ANKMY1: variants seen among roughly 807,000 people sequenced by gnomAD.
The protein encoded by ANKMY1 is ankyrin repeat and MYND domain containing 1, also known as ankyrin repeat and MYND domain-containing protein 1.
Under a neutral mutation model 102.0 loss-of-function variants are expected in ANKMY1, and 98 were observed. That is an observed-to-expected ratio of 0.96 (90% CI 0.82 to 1.14). The LOEUF (loss-of-function observed/expected upper bound fraction) is 1.14, where lower values mean the gene tolerates loss of function less well. Among genes scored for constraint, ANKMY1 ranks in the 50% most tolerant of loss-of-function variants. ANKMY1 has a pLI of 0.00. For missense variants in ANKMY1, 1,330 were observed against 1,347.6 expected (o/e 0.99, Z 0.20); for synonymous variants, 582 against 559.9 (o/e 1.04, Z -0.56).
chr2:240,483,408 C>T (rs1397007791), intron 15 of ANKMY1, among the ~76,000 whole-genome samples: 1 of 152,188 alleles, frequency 6.6e-6, no homozygotes, highest in Non-Finnish European at 1.5e-5. Context: ...CCATCCTCCT[C>T]GGCCTCCCAA....
chr2:240,505,640 C>T (rs2078947900), intron 13 of ANKMY1, among the ~76,000 whole-genome samples: 1 of 152,086 alleles, frequency 6.6e-6, no homozygotes. Context: ...GGGGCATGGT[C>T]AGGTACTCAG....
rs184961710 is a variant in ANKMY1, at chr2:240,489,292, A to G, written c.2807-7031T>C. 8.5e-3 allele frequency among the ~76,000 whole-genome samples: 1,293 copies of G among 152,010 alleles called. 14 individuals carry two copies. Among genetic ancestry groups the G allele is most frequent in the African/African-American group, 0.03 (1,234 of 41,444 alleles). ...AACATGGCAAAACCCCGTCTCTACT[A>G]AAAATACAAAAAAATTAGCTGGGCA... On this transcript the variant is annotated intron_variant, in intron 15 of 17. Coordinates refer to ENST00000401804, the MANE Select transcript of ANKMY1 (RefSeq NM_001282771.3).
In ANKMY1 at chr2:240,507,522, C is replaced by T. The variant is rs199542386; in HGVS notation, c.2526+38G>A. The stretch of plus-strand genomic sequence containing the variant: ...TCAGGGCCACCCCACCACCCTCAAA[C>T]CCCCTCACCAGGGCCACCCCAGCCT... On this transcript the variant is annotated intron_variant, in intron 13 of 17. Transcript: ENST00000401804. The T allele has an allele frequency of 2.7e-5, 42 of 1,560,658 alleles. No individual in the cohort carries two copies. The South Asian group carries it at 3.6e-4, about 13-fold the overall frequency.
At chr2:240,471,863 T>C in the ANKMY1 span, among the ~76,000 whole-genome samples, 1 of 152,102 alleles carries the variant, frequency 6.6e-6, no homozygotes, top group Non-Finnish European at 1.5e-5. Context: ...CATCCCCCTA[T>C]GGACTCAATG....
chr2:240,486,798 G>A (rs1265305800), intron 15 of ANKMY1, among the ~76,000 whole-genome samples: 3 of 152,150 alleles, frequency 2.0e-5, no homozygotes, highest in African/African-American at 7.2e-5. Flanking sequence ...ACAGGCATGA[G>A]AGCCACCATG....
intron 11 of ANKMY1, among the ~76,000 whole-genome samples, chr2:240,509,670 G>A (rs940017263): frequency 6.6e-6 from 1 of 152,182 alleles, no homozygotes; most frequent in African/African-American, 2.4e-5. Flanking sequence ...AAATGGAGAA[G>A]ATATTTTCTA....
At chr2:240,490,110 A>T (rs2076475684) in intron 15 of ANKMY1, among the ~76,000 whole-genome samples, 1 of 151,300 alleles carries the variant, frequency 6.6e-6, no homozygotes, top group Admixed American at 6.6e-5. Context: ...TCCATTTCTG[A>T]TTTTATTTAC....
chr2:240,480,795 G>T, intron 17 of ANKMY1, 142 bp downstream of exon 17: 2 of 1,242,150 alleles, frequency 1.6e-6, no homozygotes, highest in South Asian at 3.2e-5. Flanking sequence ...CTCCCAACAG[G>T]CCGATCTGGA....
At chr2:240,504,700 C>T (rs949276600) in intron 13 of ANKMY1, among the ~76,000 whole-genome samples, 4 of 152,244 alleles carry the variant, frequency 2.6e-5, no homozygotes, top group East Asian at 1.9e-4. Context: ...TAGGGAAATA[C>T]GAATCAACAA....
At chr2:240,469,681 CAAACGAACACAT>C in the ANKMY1 span, among the ~76,000 whole-genome samples, 1 of 149,346 alleles carries the variant, frequency 6.7e-6, no homozygotes, top group African/African-American at 2.5e-5. Flanking sequence ...TTTACACACA[CAAACGAACACAT>C]ACAACACCCT....
rs531199019 is a variant in ANKMY1 at position 240,544,672 on chromosome 2, C to G, written c.480+8242G>C. On this transcript the variant is annotated intron_variant, in intron 4 of 17. Transcript: ENST00000401804. The stretch of plus-strand genomic sequence containing the variant: ...GCGCGCACTGTGCGCAAGCCGAAGC[C>G]GGGCGAGGCATTGCCTCACTCAGGA... Among the ~76,000 whole-genome samples, 400 of 151,786 alleles carry G rather than the reference C, an allele frequency of 2.6e-3. 5 individuals are homozygous for G. The highest frequency in any genetic ancestry group is 0.01 in the Middle Eastern group (3 of 294).
At chr2:240,534,723 A>T (rs902801761) in intron 4 of ANKMY1, among the ~76,000 whole-genome samples, 2 of 152,258 alleles carry the variant, frequency 1.3e-5, no homozygotes, top group Non-Finnish European at 2.9e-5. Context: ...CAGAATTATA[A>T]GAATAATAAA....
At chr2:240,543,450 C>T (rs2089524506) in intron 4 of ANKMY1, among the ~76,000 whole-genome samples, 1 of 151,868 alleles carries the variant, frequency 6.6e-6, no homozygotes, top group Admixed American at 6.6e-5. Context: ...CTTTGCTAGA[C>T]ATTTTGAGAT....
intron 4 of ANKMY1, among the ~76,000 whole-genome samples, chr2:240,536,321 A>C (rs1233144856): frequency 2.0e-5 from 3 of 152,162 alleles, no homozygotes; most frequent in African/African-American, 7.2e-5. Flanking sequence ...ACTGGATAAG[A>C]AAATAGAATC....
intron 4 of ANKMY1, among the ~76,000 whole-genome samples, chr2:240,537,960 G>T (rs963495267): frequency 6.6e-6 from 1 of 152,200 alleles, no homozygotes; most frequent in Non-Finnish European, 1.5e-5. Context: ...TCCTTTTGCT[G>T]TCCATACATT....
At chr2:240,522,380 G>C (rs2082482672) in intron 8 of ANKMY1, 1 of 152,248 alleles carries the variant, frequency 6.6e-6, no homozygotes, top group Admixed American at 6.5e-5. Context: ...AACAAAACCA[G>C]TTGGGGAGAA....
At position 240,557,962 on chromosome 2, in the gene ANKMY1, C is replaced by G. The variant is rs986623725; in HGVS notation, c.-99G>C. ...CACCGCGGACGCCCGCGCTCCCGTC[C>G]CGACTGCTTGCCAGCCCTGCGCCTA... On this transcript the variant is annotated 5_prime_UTR_variant, in exon 1 of 18. Transcript: ENST00000401804. 9 of 985,558 alleles carry G rather than the reference C, an allele frequency of 9.1e-6. No individual in the cohort carries two copies. Among genetic ancestry groups the G allele is most frequent in the African/African-American group, 1.7e-5 (1 of 57,250 alleles). The allele number at this position is 985,558 out of a possible 1,614,324, so 61.1% of individuals were successfully genotyped here. A position where few individuals can be genotyped will look rare whatever the true frequency, so the allele number is the denominator to read the frequency against.
At chr2:240,501,616 C>T (rs1245638716) in intron 13 of ANKMY1, among the ~76,000 whole-genome samples, 1 of 152,210 alleles carries the variant, frequency 6.6e-6, no homozygotes, top group Non-Finnish European at 1.5e-5. Context: ...GAGATCCTCA[C>T]ACTCTGTGAC....
chr2:240,551,439 C>T (rs2091509478), intron 4 of ANKMY1, among the ~76,000 whole-genome samples: 1 of 152,032 alleles, frequency 6.6e-6, no homozygotes, highest in African/African-American at 2.4e-5. Context: ...GGTTATTTTC[C>T]CAAGGCTTTA....
Sources: allele counts gnomAD v4.1 joint callset (sites outside exome capture counted in the v4.1 genomes callset), GRCh38; gene constraint gnomAD v4.1.1; transcripts MANE v1.5; gene names NCBI Gene and HGNC (gene_info 2026-07-23, HGNC 2026-07-21).